The following SNX29 variants were observed in gnomAD, a reference collection of about 807,000 sequenced individuals.
The protein encoded by SNX29 is sorting nexin-29.
SNX29 carries 78 observed loss-of-function variants against 102.1 expected under a neutral mutation model. The observed-to-expected ratio is 0.76, with a 90% CI of 0.64 to 0.92. The LOEUF (loss-of-function observed/expected upper bound fraction) is 0.92. Among genes scored for constraint, SNX29 ranks in the 40% least tolerant of loss-of-function variants. The pLI, the probability that SNX29 is intolerant of heterozygous loss-of-function variation, is 0.00. For synonymous variants in SNX29, 580 were observed against 414.5 expected (o/e 1.40, Z -4.85); for missense variants, 1,280 against 1,061.7 (o/e 1.21, Z -2.86).
intron 13 of SNX29, among the ~76,000 whole-genome samples, chr16:12,161,877 C>T (rs1305071431): frequency 1.3e-5 from 2 of 152,184 alleles, no homozygotes; most frequent in African/African-American, 4.8e-5. Context: ...GTTTCTTACA[C>T]AGTCTGCAGA....
At chr16:12,228,615 T>G (rs956480738) in intron 14 of SNX29, among the ~76,000 whole-genome samples, 2 of 152,250 alleles carry the variant, frequency 1.3e-5, no homozygotes, top group African/African-American at 2.4e-5. Flanking sequence ...TACCATGACT[T>G]GCAAAACCCT....
chr16:12,322,824 T>TGACCACTGTCAGGATGTGTTCACTAGAG lies in SNX29; in HGVS notation c.1783-33323_1783-33322insTGTTCACTAGAGGACCACTGTCAGGATG, dbSNP rs1555510922. Among the ~76,000 whole-genome samples, 6 of 129,580 alleles carry TGACCACTGTCAGGATGTGTTCACTAGAG rather than the reference T, an allele frequency of 4.6e-5. 1 individual carries two copies. Among genetic ancestry groups the TGACCACTGTCAGGATGTGTTCACTAGAG allele is most frequent in the Non-Finnish European group, 1.0e-4 (6 of 58,496 alleles). 85.0% of individuals were successfully genotyped at this position (129,580 alleles called of 152,430 possible). A position where few individuals can be genotyped will look rare whatever the true frequency, so the allele number is the denominator to read the frequency against. The stretch of plus-strand genomic sequence containing the variant: ...AGGATATGGTCACTGGAATCACTGA[T>TGACCACTGTCAGGATGTGTTCACTAGAG]GACCACTGTCAGGATGCGGTCACTA... On this transcript the variant is annotated intron_variant, in intron 15 of 20. Coordinates refer to ENST00000566228, the MANE Select transcript of SNX29 (RefSeq NM_032167.5).
chr16:12,546,247 T>C (rs1407185398), intron 20 of SNX29: 3 of 152,234 alleles, frequency 2.0e-5, no homozygotes, highest in African/African-American at 7.2e-5. Flanking sequence ...TGACCTCTTT[T>C]CGACCCTTCG....
chr16:12,537,940 G>A (rs28697103), intron 20 of SNX29, among the ~76,000 whole-genome samples: 10,001 of 149,568 alleles, frequency 0.067, 418 homozygotes, highest in African/African-American at 0.12. Context: ...AGCTGAGATC[G>A]TGCCACTGCA....
At chr16:12,448,605 G>A (rs1051294930) in intron 18 of SNX29, among the ~76,000 whole-genome samples, 1 of 152,102 alleles carries the variant, frequency 6.6e-6, no homozygotes, top group Admixed American at 6.5e-5. Flanking sequence ...TGAGAAAAGA[G>A]CAGATGACTT....
intron 13 of SNX29, among the ~76,000 whole-genome samples, chr16:12,148,687 G>C (rs1368182234): frequency 1.3e-5 from 2 of 152,162 alleles, no homozygotes; most frequent in Non-Finnish European, 1.5e-5. Context: ...AGGAGCCTTT[G>C]TCTTGTTTTA....
intron 13 of SNX29, among the ~76,000 whole-genome samples, chr16:12,133,104 T>A (rs1185494503): frequency 6.6e-6 from 1 of 152,196 alleles, no homozygotes; most frequent in East Asian, 1.9e-4. Flanking sequence ...CGCCATGCTT[T>A]CCTCAGGTGT....
chr16:12,345,751 G>A (rs532322508), intron 15 of SNX29, among the ~76,000 whole-genome samples: 11 of 152,320 alleles, frequency 7.2e-5, no homozygotes, highest in African/African-American at 2.2e-4. Flanking sequence ...TGGGGGTGCA[G>A]CCGTATTCTC....
intron 18 of SNX29, among the ~76,000 whole-genome samples, chr16:12,460,149 G>C (rs2086717470): frequency 6.6e-6 from 1 of 152,174 alleles, no homozygotes; most frequent in South Asian, 2.1e-4. Context: ...GACCTCCCCA[G>C]CCCATTCCTT....
chr16:12,532,235 C>G (rs1328751880), intron 20 of SNX29, among the ~76,000 whole-genome samples: 1 of 152,196 alleles, frequency 6.6e-6, no homozygotes, highest in Non-Finnish European at 1.5e-5. Flanking sequence ...TGTGTACTTT[C>G]TGTGAGTGGC....
At chr16:12,067,770 G>A (rs2051102504) in intron 9 of SNX29, among the ~76,000 whole-genome samples, 1 of 152,202 alleles carries the variant, frequency 6.6e-6, no homozygotes, top group Admixed American at 6.5e-5. Flanking sequence ...TTACAGGCGT[G>A]AGCCACCGCG....
At chr16:12,349,110 A>G (rs2081916877) in intron 15 of SNX29, among the ~76,000 whole-genome samples, 2 of 152,222 alleles carry the variant, frequency 1.3e-5, no homozygotes, top group African/African-American at 2.4e-5. Context: ...AGGGAGTAAA[A>G]TAAACTGTGT....
At chr16:12,018,796 C>T (rs2056927555) in intron 3 of SNX29, among the ~76,000 whole-genome samples, 1 of 150,326 alleles carries the variant, frequency 6.7e-6, no homozygotes, top group South Asian at 2.1e-4. Flanking sequence ...CGATATTGCC[C>T]ATGCAGGTCT....
intron 20 of SNX29, among the ~76,000 whole-genome samples, chr16:12,551,762 A>G (rs2077990736): frequency 6.6e-6 from 1 of 152,208 alleles, no homozygotes; most frequent in Non-Finnish European, 1.5e-5. Flanking sequence ...TGCCTTGTAC[A>G]CATACCAGGG....
At chr16:12,105,573 A>G (rs1438061140) in intron 11 of SNX29, among the ~76,000 whole-genome samples, 4 of 152,042 alleles carry the variant, frequency 2.6e-5, no homozygotes, top group African/African-American at 9.7e-5. Flanking sequence ...CCACCCACAA[A>G]TCTTTATTAA....
intron 15 of SNX29, among the ~76,000 whole-genome samples, chr16:12,345,322 C>T (rs930132472): frequency 6.6e-6 from 1 of 152,148 alleles, no homozygotes; most frequent in Non-Finnish European, 1.5e-5. Flanking sequence ...TGTTCTAGTC[C>T]CTGTGGGCCT....
At chr16:12,218,539 C>T (rs1003750642) in intron 14 of SNX29, among the ~76,000 whole-genome samples, 5 of 152,176 alleles carry the variant, frequency 3.3e-5, no homozygotes, top group Non-Finnish European at 5.9e-5. Flanking sequence ...GCCTGCAAAC[C>T]CCAAAATATT....
intron 14 of SNX29, among the ~76,000 whole-genome samples, chr16:12,240,302 G>T (rs1425977749): frequency 6.6e-6 from 1 of 152,214 alleles, no homozygotes; most frequent in East Asian, 1.9e-4. Context: ...AGAAAAACAT[G>T]TATTGACGCC....
chr16:12,074,559 T>G (rs1392791996), intron 10 of SNX29, among the ~76,000 whole-genome samples: 1 of 152,222 alleles, frequency 6.6e-6, no homozygotes, highest in Non-Finnish European at 1.5e-5. Flanking sequence ...GGCTTCCTTT[T>G]GTGGGTAACC....
Sources: gnomAD v4.1 joint callset for allele counts (sites outside exome capture counted in the v4.1 genomes callset) on GRCh38, gnomAD v4.1.1 for gene constraint, MANE v1.5 for transcripts, NCBI Gene and HGNC (gene_info 2026-07-23, HGNC 2026-07-21) for gene names.